Variants in ETS1 observed in about 807,000 individuals in gnomAD.
ETS1 encodes the protein protein C-ets-1.
ETS1 carries 15 observed loss-of-function variants against 58.6 expected under a neutral mutation model. The ratio of observed to expected loss-of-function variants is 0.26; its 90% CI spans 0.17 to 0.39. ETS1 has a LOEUF of 0.39. Among genes scored for constraint, ETS1 ranks in the 10% least tolerant of loss-of-function variants. ETS1 has a pLI of 1.00. For synonymous variants in ETS1, 214 were observed against 218.2 expected (o/e 0.98, Z 0.17); for missense variants, 417 against 610.5 (o/e 0.68, Z 3.34).
chr11:128,503,427 A>G (rs538251411), intron 3 of ETS1, among the ~76,000 whole-genome samples: 4 of 152,328 alleles, frequency 2.6e-5, no homozygotes, highest in Non-Finnish European at 5.9e-5. Flanking sequence ...CAAGATGCTC[A>G]GGGTCCAGAC....
At chr11:128,483,415 A>C (rs1369871874) in intron 7 of ETS1, among the ~76,000 whole-genome samples, 5 of 151,638 alleles carry the variant, frequency 3.3e-5, no homozygotes, top group Non-Finnish European at 7.4e-5. Context: ...GTGTAGATGT[A>C]CAGAAAGTCC....
intron 2 of ETS1, among the ~76,000 whole-genome samples, chr11:128,567,530 AAAC>A (rs1864528135): frequency 6.6e-6 from 1 of 152,240 alleles, no homozygotes; most frequent in Non-Finnish European, 1.5e-5. Flanking sequence ...GTTTTCATTG[AAAC>A]AACATAGGGA....
chr11:128,486,590 G>C (rs112108520), intron 5 of ETS1, among the ~76,000 whole-genome samples: 1 of 152,184 alleles, frequency 6.6e-6, no homozygotes, highest in Non-Finnish European at 1.5e-5. Context: ...TAGATTTTAC[G>C]TTCTCCATTT....
intron 3 of ETS1, chr11:128,522,122 A>G (rs1863694312): frequency 7.6e-7 from 1 of 1,317,568 alleles, no homozygotes; most frequent in African/African-American, 1.5e-5. Flanking sequence ...AAAAATCTCA[A>G]ATTCCCGCTG....
chr11:128,537,555 A>G (rs1163830508), intron 3 of ETS1, among the ~76,000 whole-genome samples: 1 of 152,210 alleles, frequency 6.6e-6, no homozygotes, highest in East Asian at 1.9e-4. Flanking sequence ...CTGGGAACTA[A>G]GGAGCAAGGG....
At chr11:128,480,800 T>C (rs1197130252) in intron 7 of ETS1, among the ~76,000 whole-genome samples, 13 of 152,162 alleles carry the variant, frequency 8.5e-5, no homozygotes. Flanking sequence ...ACACATGTTA[T>C]GATATGATTT....
intron 3 of ETS1, among the ~76,000 whole-genome samples, chr11:128,505,689 G>A (rs1302112014): frequency 6.6e-6 from 1 of 152,178 alleles, no homozygotes; most frequent in Non-Finnish European, 1.5e-5. Context: ...ACCAACCAAT[G>A]GGTGGCGAGC....
chr11:128,477,210 G>A (rs887532065), intron 8 of ETS1, among the ~76,000 whole-genome samples: 2 of 152,208 alleles, frequency 1.3e-5, no homozygotes, highest in Non-Finnish European at 2.9e-5. Flanking sequence ...CCAAGTAATA[G>A]TGACATAGAG....
intron 3 of ETS1, among the ~76,000 whole-genome samples, chr11:128,539,716 A>G (rs1864026248): frequency 6.6e-6 from 1 of 152,214 alleles, no homozygotes; most frequent in Non-Finnish European, 1.5e-5. Context: ...CACAAAGTGA[A>G]AAGCACCTAA....
chr11:128,560,711 G>A (rs1451025597), intron 2 of ETS1, among the ~76,000 whole-genome samples: 1 of 152,100 alleles, frequency 6.6e-6, no homozygotes, highest in African/African-American at 2.4e-5. Context: ...TAATATATTT[G>A]GTGCACCTAG....
chr11:128,544,858 C>G (rs1322768916), intron 3 of ETS1, among the ~76,000 whole-genome samples: 1 of 152,206 alleles, frequency 6.6e-6, no homozygotes, highest in Non-Finnish European at 1.5e-5. Context: ...AAAGCAGCTT[C>G]CCCACAATTA....
intron 3 of ETS1, among the ~76,000 whole-genome samples, chr11:128,537,766 T>G: frequency 6.6e-6 from 1 of 152,166 alleles, no homozygotes; most frequent in Non-Finnish European, 1.5e-5. Context: ...AATAGAGACT[T>G]CAAGACAAAT....
rs112911102 is a variant in ETS1, at chr11:128,534,888, C to T, written c.214+21403G>A. Among the ~76,000 whole-genome samples the T allele has an allele frequency of 7.6e-3, 1,158 of 152,218 alleles. 19 individuals are homozygous for T. Among genetic ancestry groups the T allele is most frequent in the East Asian group, 0.051 (263 of 5,188 alleles). On this transcript the variant is annotated intron_variant, in intron 3 of 9. Coordinates refer to ENST00000392668, the MANE Select transcript of ETS1 (RefSeq NM_001143820.2). ...TGTGAATATTGCTGCAATGAACATA[C>T]GCGTGCATGTTATCTTTATAATAGA... is the stretch of plus-strand genomic sequence containing the variant.
chr11:128,471,268 C>T (rs1591593515), intron 8 of ETS1, among the ~76,000 whole-genome samples: 1 of 152,346 alleles, frequency 6.6e-6, no homozygotes, highest in East Asian at 1.9e-4. Context: ...GGAGTCCTCC[C>T]ACCTGGAACA....
chr11:128,478,446 AGAGG>A (rs140487930), intron 8 of ETS1, among the ~76,000 whole-genome samples: 37,364 of 131,502 alleles, frequency 0.28, 6,011 homozygotes, highest in African/African-American at 0.44. Context: ...AGGGAGGGAG[AGAGG>A]GAGGGAGGAA....
chr11:128,475,882 T>TTGTG (rs61450075), intron 8 of ETS1, among the ~76,000 whole-genome samples: 4,045 of 149,788 alleles, frequency 0.027, 116 homozygotes, highest in African/African-American at 0.07. Context: ...ACTAGTACCT[T>TTGTG]TGTGTGTGTG....
chr11:128,539,399 AT>A (rs1392181828), intron 3 of ETS1, among the ~76,000 whole-genome samples: 2 of 152,210 alleles, frequency 1.3e-5, no homozygotes, highest in Non-Finnish European at 2.9e-5. Context: ...TTTAATAGAC[AT>A]TTCTCCAAAG....
intron 1 of ETS1, among the ~76,000 whole-genome samples, chr11:128,574,530 A>T (rs1864703613): frequency 6.6e-6 from 1 of 152,208 alleles, no homozygotes; most frequent in East Asian, 1.9e-4. Flanking sequence ...GGCCAGGGAC[A>T]TTGTTAACAT....
rs901398730 is a variant in ETS1, at chr11:128,459,827, G to A, written c.*2534C>T. 6.6e-6 allele frequency: 1 copy of A among 152,582 alleles called. No homozygotes were observed. Among genetic ancestry groups the A allele is most frequent in the Non-Finnish European group, 1.5e-5 (1 of 68,028 alleles). The allele number at this position is 152,582 out of a possible 1,614,324, so 9.5% of individuals were successfully genotyped here. A position where few individuals can be genotyped will look rare whatever the true frequency, so the allele number is the denominator to read the frequency against. On this transcript the variant is annotated 3_prime_UTR_variant, in exon 10 of 10. Transcript: ENST00000392668. ...AAACAAGCGGGCGGAGGAGCACTAG[G>A]AGGCACTTTCTTATATCTTATCTGC... is the stretch of plus-strand genomic sequence containing the variant.
Sources: allele counts gnomAD v4.1 joint callset (sites outside exome capture counted in the v4.1 genomes callset), GRCh38; gene constraint gnomAD v4.1.1; transcripts MANE v1.5; gene names NCBI Gene and HGNC (gene_info 2026-07-23, HGNC 2026-07-21).